TAB2: variants seen among roughly 807,000 people sequenced by gnomAD.
TAB2 encodes the protein TGF-beta activated kinase 1 (MAP3K7) binding protein 2.
TAB2 carries 3 observed loss-of-function variants against 65.0 expected under a neutral mutation model. The observed-to-expected ratio is 0.05, with a 90% confidence interval of 0.02 to 0.12. The LOEUF is 0.12. TAB2 is among the 10% of genes least tolerant of loss of function. TAB2 has a pLI of 1.00. For synonymous variants in TAB2, 298 were observed against 285.1 expected, an observed-to-expected ratio of 1.05 and a Z score of -0.46; for missense variants, 623 against 840.3, an observed-to-expected ratio of 0.74 and a Z score of 3.20.
Position 149,378,344 on chromosome 6 carries a change from C to T in TAB2, c.429C>T (p.Ser143=). ...VPQGFNVFGM[S]SSSGASNSAP... is the part of the protein sequence containing the mutation. ...AAGGCTTTAATGTTTTTGGAATGTC[C>T]AGTTCCTCTGGTGCTTCAAATTCAG... Residue 143 remains serine (S), a synonymous_variant, in exon 3 of 7, where the codon TCC becomes TCT. Transcript: ENST00000637181. 6.2e-7 allele frequency: 1 copy of T among 1,614,226 alleles called. No homozygotes were observed. Among genetic ancestry groups the T allele is most frequent in the Non-Finnish European group, 8.5e-7 (1 of 1,180,042 alleles).
intron 3 of TAB2, among the ~76,000 whole-genome samples, chr6:149,380,563 A>G (rs750320478): frequency 3.9e-5 from 6 of 152,216 alleles, no homozygotes; most frequent in Non-Finnish European, 8.8e-5. Context: ...CTTAAGTTAC[A>G]TAATTTTCAG....
intron 2 of TAB2, among the ~76,000 whole-genome samples, chr6:149,374,851 A>G (rs1443770343): frequency 6.6e-6 from 1 of 152,202 alleles, no homozygotes. Context: ...AAATTCTACT[A>G]CACAAATACC....
rs371930595 is a variant in TAB2, at chr6:149,369,892, T to TTTTC, written c.-89-8_-89-5dup. ...TATAATCAGTTCTCATTAAAATTTT[T>TTTTC]TTTCTTTCTTTCACAGAAAATGCTT... On this transcript the variant is annotated splice_polypyrimidine_tract_variant and intron_variant, in intron 1 of 6. Coordinates refer to ENST00000637181, the MANE Select transcript of TAB2 (RefSeq NM_001292034.3). 1,180 of 955,706 alleles carry TTTTC rather than the reference T, an allele frequency of 1.2e-3. 8 individuals carry two copies. The African/African-American group carries it at 0.017, about 14-fold the overall frequency. 59.2% of individuals were successfully genotyped at this position (955,706 alleles called of 1,614,324 possible). A position where few individuals can be genotyped will look rare whatever the true frequency, so the allele number is the denominator to read the frequency against.
chr6:149,331,386 G>C (rs929496934), intron 1 of TAB2, among the ~76,000 whole-genome samples: 2 of 152,108 alleles, frequency 1.3e-5, no homozygotes, highest in African/African-American at 4.8e-5. Context: ...CAGTATGGTT[G>C]GTTGATTTCT....
chr6:149,291,096 A>G (rs933398291), intron 1 of TAB2, among the ~76,000 whole-genome samples: 1 of 152,226 alleles, frequency 6.6e-6, no homozygotes, highest in Non-Finnish European at 1.5e-5. Context: ...TTTTGTTCCA[A>G]TTTGTTAAAA....
chr6:149,333,111 A>G (rs181549895), intron 1 of TAB2, among the ~76,000 whole-genome samples: 21 of 152,352 alleles, frequency 1.4e-4, no homozygotes, highest in Non-Finnish European at 2.8e-4. Context: ...CGCTCAGTAA[A>G]TATTTGTGAA....
At chr6:149,277,682 C>T (rs1036243273) in intron 1 of TAB2, among the ~76,000 whole-genome samples, 8 of 152,088 alleles carry the variant, frequency 5.3e-5, no homozygotes, top group Admixed American at 2.0e-4. Flanking sequence ...AAATCAAATA[C>T]ATTTTTAAAC....
At chr6:149,233,588 AT>A (rs900786736) in intron 1 of TAB2, among the ~76,000 whole-genome samples, 3 of 152,158 alleles carry the variant, frequency 2.0e-5, no homozygotes, top group Non-Finnish European at 4.4e-5. Context: ...GCACTAAGTA[AT>A]TGTTTACCAA....
chr6:149,373,709 A>G (rs928080770), intron 2 of TAB2, among the ~76,000 whole-genome samples: 4 of 152,218 alleles, frequency 2.6e-5, no homozygotes, highest in Admixed American at 2.6e-4. Flanking sequence ...AGGAGAATGC[A>G]GATTTGTGGC....
intron 1 of TAB2, among the ~76,000 whole-genome samples, chr6:149,263,773 T>A (rs1231508522): frequency 6.6e-6 from 1 of 152,208 alleles, no homozygotes; most frequent in Non-Finnish European, 1.5e-5. Flanking sequence ...AAGAATATTA[T>A]GGGACAGGCC....
intron 3 of TAB2, among the ~76,000 whole-genome samples, chr6:149,381,895 A>G (rs1382135253): frequency 6.6e-6 from 1 of 151,966 alleles, no homozygotes; most frequent in Non-Finnish European, 1.5e-5. Flanking sequence ...TTCCCCCATC[A>G]TCACTACTGT....
intron 1 of TAB2, among the ~76,000 whole-genome samples, chr6:149,250,366 C>T (rs538464267): frequency 1.6e-4 from 24 of 152,018 alleles, no homozygotes; most frequent in South Asian, 8.3e-4. Context: ...AATGCAATGG[C>T]GCAATCTCGG....
intron 1 of TAB2, among the ~76,000 whole-genome samples, chr6:149,336,168 C>A (rs1446052607): frequency 6.6e-6 from 1 of 152,132 alleles, no homozygotes; most frequent in Admixed American, 6.6e-5. Flanking sequence ...AGTGCTTAAC[C>A]AATATGTTTG....
chr6:149,378,878 T>C lies in TAB2; in HGVS notation c.963T>C (p.Pro321=). Residue 321 remains proline, a synonymous_variant, in exon 3 of 7, where the codon CCT becomes CCC. Coordinates refer to ENST00000637181, the MANE Select transcript of TAB2 (RefSeq NM_001292034.3). ...QYNIQNISTG[P]RKNQIEIKLE... ...ACATTCAGAATATTTCAACAGGACC[T>C]CGAAAAAACCAGATTGAAATCAAAC... The C allele has an allele frequency of 6.2e-7, 1 of 1,614,090 alleles. No homozygotes were observed. The highest frequency in any genetic ancestry group is 1.1e-5 in the South Asian group (1 of 91,082).
intron 1 of TAB2, among the ~76,000 whole-genome samples, chr6:149,235,782 A>G (rs138131818): frequency 6.6e-6 from 1 of 152,312 alleles, no homozygotes; most frequent in East Asian, 1.9e-4. Context: ...TTCATTAGAC[A>G]TGCATAGGTC....
intron 1 of TAB2, among the ~76,000 whole-genome samples, chr6:149,276,198 G>C (rs575632334): frequency 2.6e-5 from 4 of 152,116 alleles, no homozygotes; most frequent in Non-Finnish European, 2.9e-5. Context: ...AAATATAGAA[G>C]GCTCTTGGGT....
At chr6:149,241,604 A>T (rs1315741819) in intron 1 of TAB2, among the ~76,000 whole-genome samples, 1 of 152,174 alleles carries the variant, frequency 6.6e-6, no homozygotes, top group Non-Finnish European at 1.5e-5. Context: ...ATATGACGAA[A>T]ATGAGATTAA....
At chr6:149,355,964 A>C (rs1230011216) in intron 1 of TAB2, among the ~76,000 whole-genome samples, 2 of 152,208 alleles carry the variant, frequency 1.3e-5, no homozygotes, top group South Asian at 4.2e-4. Context: ...ACAAAAAAAA[A>C]ACTTATTTTT....
At chr6:149,352,930 A>C (rs1253544185) in intron 1 of TAB2, among the ~76,000 whole-genome samples, 1 of 152,166 alleles carries the variant, frequency 6.6e-6, no homozygotes, top group Non-Finnish European at 1.5e-5. Flanking sequence ...GTTTTTGTCC[A>C]ATATCTTAAA....
Sources: allele counts gnomAD v4.1 joint callset (sites outside exome capture counted in the v4.1 genomes callset), GRCh38; gene constraint gnomAD v4.1.1; transcripts MANE v1.5; gene names NCBI Gene and HGNC (gene_info 2026-07-23, HGNC 2026-07-21).